FAM187B: variants seen among roughly 807,000 people sequenced by gnomAD.
FAM187B encodes the protein protein FAM187B.
A neutral mutation model predicts 22.6 loss-of-function variants in FAM187B; 22 were observed. The observed-to-expected ratio is 0.97, with a 90% CI of 0.70 to 1.39. The LOEUF (loss-of-function observed/expected upper bound fraction) is 1.39, where lower values mean the gene tolerates loss of function less well. Ranked by LOEUF, FAM187B falls within the 40% of genes most tolerant of loss-of-function variation. The pLI is 0.00. For synonymous variants in FAM187B, 192 were observed against 201.8 expected (o/e 0.95, Z 0.41); for missense variants, 433 against 462.1 (o/e 0.94, Z 0.58).
At position 35,228,642 on chromosome 19, in the gene FAM187B, G is replaced by A; in HGVS notation, c.39C>T (p.Ala13=). ...PMLWLLLHFA[A]PALGFYFSIS... Reference sequence around the variant, plus strand: ...TGGAAAAGTAGAACCCCAGTGCCGGGGCAGCAAAGTGGAGCAGCAGCCACA... The same window carrying A: ...TGGAAAAGTAGAACCCCAGTGCCGGAGCAGCAAAGTGGAGCAGCAGCCACA... The change falls in exon 1 of 2, where the codon GCC becomes GCT. Residue 13 remains alanine (A), a synonymous_variant. Coordinates refer to ENST00000324675, the MANE Select transcript of FAM187B (RefSeq NM_152481.2). 2 of 1,612,828 alleles carry A rather than the reference G, an allele frequency of 1.2e-6. No individual in the cohort carries two copies. The highest frequency in any genetic ancestry group is 1.7e-6 in the Non-Finnish European group (2 of 1,179,736).
intron 1 of FAM187B, 33 bp downstream of exon 1, chr19:35,227,926 C>T: frequency 6.4e-7 from 1 of 1,569,702 alleles, no homozygotes. Context: ...CCGGAAGAAT[C>T]TGGGTAGGGG....
intron 1 of FAM187B, 117 bp from the exon 2 acceptor site, chr19:35,225,329 AC>A: frequency 1.5e-6 from 2 of 1,295,984 alleles, no homozygotes; most frequent in South Asian, 3.3e-5. Context: ...CCCACGGAGC[AC>A]TGTGCAGCCG....
chr19:35,226,013 G>C (rs2065660588), intron 1 of FAM187B, among the ~76,000 whole-genome samples: 1 of 152,138 alleles, frequency 6.6e-6, no homozygotes, highest in Non-Finnish European at 1.5e-5. Flanking sequence ...GCTGGGTGCA[G>C]TCTTGGCCCT....
chr19:35,226,934 G>A (rs997024119), intron 1 of FAM187B, among the ~76,000 whole-genome samples: 8 of 152,154 alleles, frequency 5.3e-5, no homozygotes, highest in Admixed American at 3.3e-4. Context: ...GGAATAAGGT[G>A]GGCCCTCAAT....
At chr19:35,225,450 A>C (rs997353227) in intron 1 of FAM187B, among the ~76,000 whole-genome samples, 1 of 151,612 alleles carries the variant, frequency 6.6e-6, no homozygotes, top group Non-Finnish European at 1.5e-5. Flanking sequence ...TACTGGCCCC[A>C]CCCCTTACTG....
Position 35,225,036 on chromosome 19 carries a change from G to A in FAM187B, c.899C>T (p.Ala300Val), listed in dbSNP as rs781197523. The change falls in exon 2 of 2, where the codon GCC becomes GTC. Residue 300 changes from alanine (A) to valine (V), a missense_variant. Ala to Val is a moderately conservative substitution (Grantham distance 64). Transcript: ENST00000324675. The stretch of plus-strand genomic sequence containing the variant: ...CTGAGCCTCCAGCGTCTCCAGACTG[G>A]CGGCGGGTTTGAACTGGGCCACGAG... ...QELVAQFKPA[A>V]SLETLEAQWR... The A allele has an allele frequency of 1.3e-5, 21 of 1,613,394 alleles. No homozygotes were observed. Among genetic ancestry groups the A allele is most frequent in the Non-Finnish European group, 1.8e-5 (21 of 1,179,714 alleles).
chr19:35,227,811 T>C lies in FAM187B; in HGVS notation c.722+148A>G, dbSNP rs1599576457. The C allele has an allele frequency of 5.7e-6, 7 of 1,233,070 alleles. No homozygotes were observed. The South Asian group carries it at 6.3e-5, about 11-fold the overall frequency. The allele number at this position is 1,233,070 out of a possible 1,614,324, so 76.4% of individuals were successfully genotyped here. A position where few individuals can be genotyped will look rare whatever the true frequency, so the allele number is the denominator to read the frequency against. The stretch of plus-strand genomic sequence containing the variant: ...ACCCTGGGCTGTGTCCCCCTCGGAC[T>C]GTTTAAGAGCAGGGCCTGGCACTGT... On this transcript the variant is annotated intron_variant, in intron 1 of 1. Transcript: ENST00000324675.
intron 1 of FAM187B, among the ~76,000 whole-genome samples, chr19:35,227,419 C>T (rs893234391): frequency 4.6e-5 from 7 of 152,240 alleles, no homozygotes; most frequent in Admixed American, 6.5e-5. Context: ...GGGGTTTCAC[C>T]ATGTTGGCCA....
chr19:35,225,616 C>G (rs1209285084), intron 1 of FAM187B, among the ~76,000 whole-genome samples: 4 of 152,124 alleles, frequency 2.6e-5, no homozygotes, highest in African/African-American at 9.7e-5. Context: ...AGTTCAGAAC[C>G]AGCCTGGACA....
chr19:35,228,381 G>C lies in FAM187B; in HGVS notation c.300C>G (p.Gly100=), dbSNP rs758254282. 2 of 1,614,204 alleles carry C rather than the reference G, an allele frequency of 1.2e-6. No homozygotes were observed. The highest frequency in any genetic ancestry group is 3.3e-5 in the Admixed American group (2 of 60,026). Reference sequence around the variant, plus strand: ...CAATTTCATACTGCACCACTTGGCGGCCATTCTTGTTCCAGCAGTGGTAGA... The same window carrying C: ...CAATTTCATACTGCACCACTTGGCGCCCATTCTTGTTCCAGCAGTGGTAGA... ...TGLYHCWNKN[G]RQVVQYEIDF... is the part of the protein sequence containing the mutation. The change falls in exon 1 of 2, where the codon GGC becomes GGG. Residue 100 remains glycine, a synonymous_variant. Coordinates refer to ENST00000324675, the MANE Select transcript of FAM187B (RefSeq NM_152481.2).
At chr19:35,225,451 C>G (rs570093964) in intron 1 of FAM187B, among the ~76,000 whole-genome samples, 1 of 152,308 alleles carries the variant, frequency 6.6e-6, no homozygotes, top group African/African-American at 2.4e-5. Flanking sequence ...ACTGGCCCCA[C>G]CCCTTACTGG....
intron 1 of FAM187B, among the ~76,000 whole-genome samples, chr19:35,226,180 T>C (rs1308844423): frequency 2.6e-5 from 4 of 151,936 alleles, no homozygotes; most frequent in African/African-American, 7.3e-5. Context: ...CAAAATACTA[T>C]AGGTCGGGCA....
In FAM187B at chr19:35,224,916, A is replaced by G; in HGVS notation, c.1019T>C (p.Val340Ala). 1 of 1,613,820 alleles carries G rather than the reference A, an allele frequency of 6.2e-7. No homozygotes were observed. ...CCCCAGCAGGGCCAGGACGGTGACC[A>G]CGAGCAGCACCAGCTTCAGCCCCTT... is the stretch of plus-strand genomic sequence containing the variant. ...VLKGLKLVLL[V>A]VTVLALLGAL... Residue 340 changes from valine to alanine, a missense_variant, in exon 2 of 2, where the codon GTG becomes GCG. By Grantham distance (64) the Val-to-Ala change is moderately conservative (BLOSUM62 0). Transcript: ENST00000324675.
Position 35,228,469 on chromosome 19 carries a change from T to C in FAM187B, c.212A>G (p.Asn71Ser), listed in dbSNP as rs1396966113. ...GRLTSLTNIS[N>S]MEIMPEGSLL... ...GCTGCCCTCGGGCATTATTTCCATA[T>C]TGGAAATATTGGTGAGGCTGGTGAG... Residue 71 changes from asparagine (N) to serine (S), a missense_variant, in exon 1 of 2, where the codon AAT becomes AGT. Physicochemically the swap from Asn to Ser is conservative, Grantham distance 46 (BLOSUM62 1). Transcript: ENST00000324675. 3.1e-6 allele frequency: 5 copies of C among 1,614,078 alleles called. No individual in the cohort carries two copies. The highest frequency in any genetic ancestry group is 2.2e-5 in the East Asian group (1 of 44,888).
At chr19:35,226,200 A>C (rs1023280936) in intron 1 of FAM187B, among the ~76,000 whole-genome samples, 2 of 151,760 alleles carry the variant, frequency 1.3e-5, no homozygotes, top group South Asian at 2.1e-4. Flanking sequence ...ACAGTGGCTC[A>C]GGTTTGTAAT....
intron 1 of FAM187B, among the ~76,000 whole-genome samples, chr19:35,226,957 G>T (rs2065663384): frequency 6.6e-6 from 1 of 152,124 alleles, no homozygotes; most frequent in Non-Finnish European, 1.5e-5. Context: ...CATCTGACCG[G>T]TGTCCTTTTA....
chr19:35,226,526 C>T (rs764314349), intron 1 of FAM187B, among the ~76,000 whole-genome samples: 21 of 152,162 alleles, frequency 1.4e-4, no homozygotes, highest in Non-Finnish European at 1.9e-4. Context: ...CAAGAATCTC[C>T]GTTGGTTGTG....
Position 35,228,201 on chromosome 19 carries a change from A to G in FAM187B, c.480T>C (p.Cys160=), listed in dbSNP as rs563459948. The change falls in exon 1 of 2, where the codon TGT becomes TGC. Residue 160 remains cysteine, a synonymous_variant. Coordinates refer to ENST00000324675, the MANE Select transcript of FAM187B (RefSeq NM_152481.2). ...CAATGTAGCGGTACCCCAGGCGTTTACACTCGCCCGGCTCCTCACAGCGGT... is the reference window on the plus strand; with the variant it reads ...CAATGTAGCGGTACCCCAGGCGTTTGCACTCGCCCGGCTCCTCACAGCGGT... The part of the protein sequence containing the change: ...DCNRCEEPGE[C]KRLGYRYIEE... The G allele has an allele frequency of 6.2e-7, 1 of 1,614,102 alleles. No homozygotes were observed. Among genetic ancestry groups the G allele is most frequent in the Non-Finnish European group, 8.5e-7 (1 of 1,179,968 alleles).
intron 1 of FAM187B, among the ~76,000 whole-genome samples, chr19:35,225,794 G>A (rs1239580968): frequency 6.6e-6 from 1 of 151,944 alleles, no homozygotes; most frequent in Non-Finnish European, 1.5e-5. Flanking sequence ...CTGGGTGACA[G>A]AGCAAGACCC....
Sources: allele counts gnomAD v4.1 joint callset (sites outside exome capture counted in the v4.1 genomes callset), GRCh38; gene constraint gnomAD v4.1.1; transcripts MANE v1.5; gene names NCBI Gene and HGNC (gene_info 2026-07-23, HGNC 2026-07-21).